Variants in TENM1 observed in about 807,000 individuals in gnomAD.
TENM1 encodes the protein teneurin transmembrane protein 1, also known as teneurin-1.
TENM1 carries 35 observed loss-of-function variants against 174.8 expected under a neutral mutation model. That is an observed-to-expected ratio of 0.20 (90% CI 0.15 to 0.27). TENM1 has a LOEUF of 0.27. Ranked by LOEUF, TENM1 falls within the 10% of genes least tolerant of loss-of-function variation. The pLI is 1.00. For missense variants in TENM1, 1,633 were observed against 2,130.1 expected (o/e 0.77, Z 4.59); for synonymous variants, 781 against 798.7 (o/e 0.98, Z 0.37).
At chrX:124,971,180 A>G in the TENM1 span, among the ~76,000 whole-genome samples, 3 of 107,306 alleles carry the variant, frequency 2.8e-5, no homozygotes, top group African/African-American at 1.0e-4. Flanking sequence ...AGATATACCT[A>G]ATGTAAATGA....
At chrX:124,499,441 G>T (rs1352069194) in intron 19 of TENM1, among the ~76,000 whole-genome samples, 1 of 111,632 alleles carries the variant, frequency 9.0e-6, no homozygotes, top group Non-Finnish European at 1.9e-5. Flanking sequence ...TCCTTCCAGG[G>T]TGATTTCTGG....
At chrX:124,513,616 G>A (rs765738487) in intron 18 of TENM1, among the ~76,000 whole-genome samples, 1 of 112,071 alleles carries the variant, frequency 8.9e-6, no homozygotes, top group African/African-American at 3.2e-5. Context: ...ACTGTTGCTG[G>A]TGCAAAATTC....
At chrX:124,837,309 A>G (rs7065983) in intron 3 of TENM1, among the ~76,000 whole-genome samples, 4,102 of 111,710 alleles carry the variant, frequency 0.037, 101 homozygotes, top group African/African-American at 0.081. Context: ...GGCTGGTCTC[A>G]AACTCCTAAC....
At chrX:125,041,104 G>C in the TENM1 span, among the ~76,000 whole-genome samples, 1 of 111,413 alleles carries the variant, frequency 9.0e-6, no homozygotes, top group Non-Finnish European at 1.9e-5. Context: ...TGTATGTCTT[G>C]CCAGAGACGG....
At chrX:124,453,268 C>T (rs2061064499) in intron 23 of TENM1, 69 bp downstream of exon 26, 1 of 1,039,146 alleles carries the variant, frequency 9.6e-7, no homozygotes, top group African/African-American at 1.9e-5. Flanking sequence ...CTCATTTCTA[C>T]ATGAGAAAAT....
chrX:125,151,129 G>A, the TENM1 span, among the ~76,000 whole-genome samples: 101 of 111,925 alleles, frequency 9.0e-4, no homozygotes, highest in Non-Finnish European at 1.5e-3. Context: ...AATGCATCCC[G>A]AGCTTATAGC....
intron 3 of TENM1, among the ~76,000 whole-genome samples, chrX:124,840,791 G>C (rs12389344): frequency 0.049 from 5,519 of 111,567 alleles, 223 homozygotes; most frequent in African/African-American, 0.13. Context: ...AGCTCTAGGT[G>C]CTCATTACTA....
At chrX:124,638,260 G>C (rs2050928273) in intron 11 of TENM1, among the ~76,000 whole-genome samples, 1 of 111,249 alleles carries the variant, frequency 9.0e-6, no homozygotes, top group Admixed American at 9.6e-5. Flanking sequence ...AACAGGACTA[G>C]TGCATGTCTT....
the TENM1 span, among the ~76,000 whole-genome samples, chrX:125,079,205 C>G: frequency 9.0e-6 from 1 of 111,427 alleles, no homozygotes; most frequent in African/African-American, 3.3e-5. Context: ...ATAAATGCAT[C>G]TAAAATCACC....
the TENM1 span, among the ~76,000 whole-genome samples, chrX:124,981,956 TAAAAAAAA>T: frequency 1.9e-4 from 5 of 26,732 alleles, 1 homozygote; most frequent in African/African-American, 8.3e-4. Context: ...TAGAGTATAA[TAAAAAAAA>T]AAAAAAAAAA....
the TENM1 span, among the ~76,000 whole-genome samples, chrX:125,039,427 C>A: frequency 9.0e-6 from 1 of 110,978 alleles, no homozygotes; most frequent in Non-Finnish European, 1.9e-5. Flanking sequence ...GAGTCAAATG[C>A]TTCCCTAATC....
At chrX:124,377,814 A>G (rs780078591) in exon 32 of TENM1, 8 of 111,727 alleles carry the variant, frequency 7.2e-5, no homozygotes, top group Non-Finnish European at 1.3e-4. Context: ...AAATGCTTTT[A>G]CTTTCATCAG....
chrX:124,598,738 C>G (rs924204904), intron 11 of TENM1, among the ~76,000 whole-genome samples: 2 of 110,817 alleles, frequency 1.8e-5, no homozygotes, highest in Non-Finnish European at 3.8e-5. Context: ...TTACCAGAGG[C>G]TGGGAAGGGT....
At chrX:124,848,871 A>C (rs2056663226) in intron 3 of TENM1, among the ~76,000 whole-genome samples, 1 of 111,722 alleles carries the variant, frequency 9.0e-6, no homozygotes, top group Non-Finnish European at 1.9e-5. Flanking sequence ...ACAGAAGAAT[A>C]AGTATCAAAC....
At chrX:125,053,119 G>C in the TENM1 span, among the ~76,000 whole-genome samples, 1 of 111,995 alleles carries the variant, frequency 8.9e-6, no homozygotes, top group Non-Finnish European at 1.9e-5. Context: ...GAGAATCTTA[G>C]AGAAGAATAA....
At chrX:124,740,112 G>T (rs1388208464) in intron 3 of TENM1, among the ~76,000 whole-genome samples, 1 of 111,752 alleles carries the variant, frequency 8.9e-6, no homozygotes, top group East Asian at 2.8e-4. Context: ...CTAATGCCAC[G>T]TGTGGGAGAG....
chrX:124,959,663 T>C (rs2058626696), intron 1 of TENM1, among the ~76,000 whole-genome samples: 1 of 111,347 alleles, frequency 9.0e-6, no homozygotes, highest in Non-Finnish European at 1.9e-5. Context: ...TACCAGCATC[T>C]TAAACTTAAC....
chrX:124,952,701 T>A (rs1217410866), intron 1 of TENM1, among the ~76,000 whole-genome samples: 1 of 111,521 alleles, frequency 9.0e-6, no homozygotes, highest in African/African-American at 3.3e-5. Flanking sequence ...CTCAAACCTT[T>A]AAATTTCATG....
chrX:124,848,632 T>A (rs1220828719), intron 3 of TENM1, among the ~76,000 whole-genome samples: 24 of 110,962 alleles, frequency 2.2e-4, no homozygotes. Flanking sequence ...TGCAGGATAA[T>A]TCCCACAGGT....
Sources: gnomAD v4.1 joint callset for allele counts (sites outside exome capture counted in the v4.1 genomes callset) on GRCh38, gnomAD v4.1.1 for gene constraint, MANE v1.5 for transcripts, NCBI Gene and HGNC (gene_info 2026-07-23, HGNC 2026-07-21) for gene names.